Variants in WLS observed in about 807,000 individuals in gnomAD.
WLS encodes Wnt ligand secretion mediator.
A neutral mutation model predicts 62.8 loss-of-function variants in WLS; 23 were observed. The observed-to-expected ratio is 0.37, with a 90% CI of 0.26 to 0.52. The LOEUF is 0.52. Ranked by LOEUF, WLS falls within the 20% of genes least tolerant of loss-of-function variation. The pLI is 0.92. For missense variants in WLS, 615 were observed against 697.3 expected (o/e 0.88, Z 1.33); for synonymous variants, 246 against 244.1 (o/e 1.01, Z -0.07).
intron 1 of WLS, among the ~76,000 whole-genome samples, chr1:68,229,283 A>G (rs942954204): frequency 3.3e-5 from 5 of 152,128 alleles, no homozygotes; most frequent in African/African-American, 1.2e-4. Context: ...GAGCTTTGCC[A>G]TTTATATTCT....
In WLS at chr1:68,168,030, G is replaced by A. The variant is rs191956180; in HGVS notation, c.380-8783C>T. Among the ~76,000 whole-genome samples the A allele has an allele frequency of 2.8e-4, 43 of 152,200 alleles. 1 individual carries two copies. Among genetic ancestry groups the A allele is most frequent in the Admixed American group, 5.9e-4 (9 of 15,286 alleles). On this transcript the variant is annotated intron_variant, in intron 2 of 11. Coordinates refer to ENST00000262348, the MANE Select transcript of WLS (RefSeq NM_024911.7). ...TACTGCCCTGCCCTGCTTGAGAAAAGCAAAGCCAATCAGTTTTTCTGCAGG... is the reference window on the plus strand; with the variant it reads ...TACTGCCCTGCCCTGCTTGAGAAAAACAAAGCCAATCAGTTTTTCTGCAGG...
chr1:68,161,994 C>T (rs1238683491), intron 2 of WLS: 17 of 1,602,926 alleles, frequency 1.1e-5, no homozygotes, highest in African/African-American at 2.7e-5. Flanking sequence ...CTGACCAAGG[C>T]GCTGATGTGA....
intron 1 of WLS, among the ~76,000 whole-genome samples, chr1:68,226,034 C>T (rs995719651): frequency 6.6e-6 from 1 of 152,212 alleles, no homozygotes; most frequent in Non-Finnish European, 1.5e-5. Flanking sequence ...CTTCTCAAGA[C>T]ATGTCCTCCC....
chr1:68,200,502 T>C (rs1571003308), intron 1 of WLS, among the ~76,000 whole-genome samples: 1 of 143,634 alleles, frequency 7.0e-6, no homozygotes, highest in African/African-American at 2.5e-5. Context: ...GGGCAGAGAC[T>C]ACAAATTACT....
chr1:68,162,702 G>T, intron 2 of WLS: 2 of 1,205,792 alleles, frequency 1.7e-6, no homozygotes, highest in South Asian at 1.3e-5. Context: ...TCTCTTCCAC[G>T]GCTGCAGACG....
At chr1:68,148,362 A>G (rs955741656) in intron 7 of WLS, among the ~76,000 whole-genome samples, 163 bp from the exon 8 acceptor site, 4 of 152,264 alleles carry the variant, frequency 2.6e-5, no homozygotes, top group Admixed American at 2.0e-4. Context: ...TGTAGAATAC[A>G]TCGGCCCAAA....
chr1:68,180,783 C>T (rs1285347840), intron 2 of WLS, among the ~76,000 whole-genome samples: 1 of 152,134 alleles, frequency 6.6e-6, no homozygotes, highest in Admixed American at 6.5e-5. Context: ...ACTTTGTCAC[C>T]CCCACAACCT....
chr1:68,127,191 CTCTAAAAA>C (rs1206079927), intron 11 of WLS: 1 of 250,012 alleles, frequency 4.0e-6, no homozygotes, highest in Non-Finnish European at 8.2e-6. Context: ...AAGACTTTGA[CTCTAAAAA>C]AATAAAAAAA....
At chr1:68,138,551 T>C (rs928846702) in intron 10 of WLS, 4 of 152,260 alleles carry the variant, frequency 2.6e-5, no homozygotes, top group Non-Finnish European at 5.9e-5. Flanking sequence ...GTTATTTCTA[T>C]AACATCCCTT....
chr1:68,128,063 G>T (rs947651432), intron 11 of WLS, among the ~76,000 whole-genome samples: 1 of 152,208 alleles, frequency 6.6e-6, no homozygotes, highest in Non-Finnish European at 1.5e-5. Flanking sequence ...TGCTGCAGAG[G>T]ACTGCTGAAG....
chr1:68,126,199 A>C lies in WLS; in HGVS notation c.*27T>G, dbSNP rs758395881. 6.2e-7 allele frequency: 1 copy of C among 1,613,158 alleles called. No homozygotes were observed. Among genetic ancestry groups the C allele is most frequent in the Non-Finnish European group, 8.5e-7 (1 of 1,179,602 alleles). ...GTTAGAGGGGCTGGGGTATGGAGAG[A>C]CCGTCCCAGCCGGGCGCTGCAGCCT... is the stretch of plus-strand genomic sequence containing the variant. On this transcript the variant is annotated 3_prime_UTR_variant, in exon 12 of 12. Coordinates refer to ENST00000262348, the MANE Select transcript of WLS (RefSeq NM_024911.7).
intron 2 of WLS, 69 bp from the exon 3 acceptor site, chr1:68,159,316 T>G (rs1342013348): frequency 2.5e-6 from 4 of 1,569,440 alleles, no homozygotes; most frequent in Non-Finnish European, 3.4e-6. Flanking sequence ...GCTCAAAAAA[T>G]TCTTATAGGC....
chr1:68,138,301 A>G (rs934440313), intron 10 of WLS: 4 of 210,174 alleles, frequency 1.9e-5, no homozygotes, highest in Admixed American at 1.1e-4. Flanking sequence ...TCCCAGCTAG[A>G]TGTCAATTCC....
chr1:68,213,848 A>T (rs1348346585), intron 1 of WLS, among the ~76,000 whole-genome samples: 1 of 152,178 alleles, frequency 6.6e-6, no homozygotes, highest in African/African-American at 2.4e-5. Flanking sequence ...CTAGTTCAGA[A>T]CTTGTAGCAA....
intron 2 of WLS, chr1:68,162,585 G>T (rs1646994541): frequency 1.3e-6 from 2 of 1,483,106 alleles, no homozygotes; most frequent in African/African-American, 2.8e-5. Flanking sequence ...AGGCCAACTC[G>T]CGGTTCTGCT....
At chr1:68,223,106 C>T (rs1650007875) in intron 1 of WLS, among the ~76,000 whole-genome samples, 2 of 152,136 alleles carry the variant, frequency 1.3e-5, no homozygotes, top group Admixed American at 6.5e-5. Context: ...GGCAAATCAT[C>T]CCAACTCAGA....
intron 1 of WLS, among the ~76,000 whole-genome samples, chr1:68,204,310 AATT>A (rs889410181): frequency 2.6e-5 from 4 of 151,932 alleles, no homozygotes; most frequent in African/African-American, 9.7e-5. Flanking sequence ...CATTCTTAGG[AATT>A]ATTATTATTA....
intron 11 of WLS, among the ~76,000 whole-genome samples, chr1:68,130,174 A>ACCGG (rs1437153428): frequency 1.3e-5 from 2 of 152,222 alleles, no homozygotes; most frequent in African/African-American, 4.8e-5. Context: ...CATTTTAATG[A>ACCGG]CAATTGTTTG....
At chr1:68,140,302 G>A (rs1187932138) in intron 10 of WLS, among the ~76,000 whole-genome samples, 2 of 152,134 alleles carry the variant, frequency 1.3e-5, no homozygotes, top group African/African-American at 2.4e-5. Flanking sequence ...TCTTAAACAG[G>A]GGTTGATCTC....
Sources: gnomAD v4.1 joint callset for allele counts (sites outside exome capture counted in the v4.1 genomes callset) on GRCh38, gnomAD v4.1.1 for gene constraint, MANE v1.5 for transcripts, NCBI Gene and HGNC (gene_info 2026-07-23, HGNC 2026-07-21) for gene names.